RIMS1: variants seen among roughly 807,000 people sequenced by gnomAD.
RIMS1 encodes the protein regulating synaptic membrane exocytosis 1, also known as regulating synaptic membrane exocytosis protein 1.
In RIMS1, 83 loss-of-function variants were observed where a neutral mutation model predicts 214.1. The ratio of observed to expected loss-of-function variants is 0.39; its 90% CI spans 0.32 to 0.47. The LOEUF (loss-of-function observed/expected upper bound fraction) is 0.47. RIMS1 is among the 20% of genes least tolerant of loss of function. The pLI, the probability that RIMS1 is intolerant of heterozygous loss-of-function variation, is 0.99. For missense variants in RIMS1, 2,050 were observed against 2,161.8 expected, an observed-to-expected ratio of 0.95 and a Z score of 1.03; for synonymous variants, 793 against 786.8, an observed-to-expected ratio of 1.01 and a Z score of -0.13.
At chr6:72,346,053 GTTAAAGGTCCTTTTTGACCCTCCA>G (rs2097255957) in intron 29 of RIMS1, among the ~76,000 whole-genome samples, 1 of 151,700 alleles carries the variant, frequency 6.6e-6, no homozygotes, top group Non-Finnish European at 1.5e-5. Flanking sequence ...AAAACAAAAA[GTTAAAGGTCCTTTTTGACCCTCCA>G]TTTTCGCAAC....
intron 6 of RIMS1, among the ~76,000 whole-genome samples, chr6:72,189,942 A>G (rs377511169): frequency 1.3e-3 from 191 of 152,356 alleles, no homozygotes; most frequent in Middle Eastern, 3.4e-3. Flanking sequence ...AGAGAGTTCC[A>G]TCCACGTACC....
intron 4 of RIMS1, among the ~76,000 whole-genome samples, chr6:72,142,069 A>T (rs1414600818): frequency 6.6e-6 from 1 of 151,998 alleles, no homozygotes; most frequent in Non-Finnish European, 1.5e-5. Flanking sequence ...TAAATTTTGT[A>T]TGATGTCCTA....
chr6:72,053,395 G>T (rs1825262512), intron 2 of RIMS1, among the ~76,000 whole-genome samples: 1 of 152,130 alleles, frequency 6.6e-6, no homozygotes, highest in Admixed American at 6.6e-5. Flanking sequence ...CTTGGCTTTG[G>T]TGGAGAAATA....
At chr6:72,394,046 G>T (rs2098744398) in intron 31 of RIMS1, among the ~76,000 whole-genome samples, 1 of 151,040 alleles carries the variant, frequency 6.6e-6, no homozygotes, top group African/African-American at 2.4e-5. Flanking sequence ...AAAAAAAGAT[G>T]GAACCAAAAA....
chr6:72,347,828 A>C (rs2097317073), intron 29 of RIMS1, among the ~76,000 whole-genome samples: 1 of 151,890 alleles, frequency 6.6e-6, no homozygotes, highest in African/African-American at 2.4e-5. Context: ...CAGGACCGAA[A>C]GTAATTTTTT....
At chr6:72,015,298 G>T (rs568875053) in intron 2 of RIMS1, among the ~76,000 whole-genome samples, 2 of 152,236 alleles carry the variant, frequency 1.3e-5, no homozygotes, top group African/African-American at 4.8e-5. Flanking sequence ...AAAAGTTTTT[G>T]ATTTTTGAGC....
rs182826612 is a variant in RIMS1, at chr6:72,261,976, A to G, written c.3116+1209A>G. On this transcript the variant is annotated intron_variant, in intron 19 of 33. Transcript: ENST00000521978. ...TGTTCTTGACAAACAGTTTCTTAAAATAATGGTTTATTTACTAATTCTGAA... is the reference window on the plus strand; with the variant it reads ...TGTTCTTGACAAACAGTTTCTTAAAGTAATGGTTTATTTACTAATTCTGAA... The G allele has an allele frequency of 3.3e-5, 32 of 984,610 alleles. No homozygotes were observed. In the East Asian group the frequency reaches 3.6e-3, roughly 112 times the overall value. 61.0% of individuals were successfully genotyped at this position (984,610 alleles called of 1,614,324 possible).
At chr6:72,218,312 C>G (rs2057110544) in intron 6 of RIMS1, among the ~76,000 whole-genome samples, 1 of 152,082 alleles carries the variant, frequency 6.6e-6, no homozygotes, top group Non-Finnish European at 1.5e-5. Flanking sequence ...AAGGGCTGTC[C>G]TCACTGCTCA....
chr6:72,332,470 A>G (rs922194075), intron 28 of RIMS1, among the ~76,000 whole-genome samples: 1 of 139,254 alleles, frequency 7.2e-6, no homozygotes, highest in Non-Finnish European at 1.5e-5. Flanking sequence ...TCACTCATAG[A>G]TGGGAATTGA....
chr6:72,326,349 C>G (rs1222167006), intron 28 of RIMS1, among the ~76,000 whole-genome samples: 1 of 151,692 alleles, frequency 6.6e-6, no homozygotes, highest in Non-Finnish European at 1.5e-5. Flanking sequence ...GTGTCAGCCT[C>G]CTTACATTGT....
intron 4 of RIMS1, among the ~76,000 whole-genome samples, chr6:72,163,886 C>A (rs147458355): frequency 6.6e-6 from 1 of 152,118 alleles, no homozygotes; most frequent in Non-Finnish European, 1.5e-5. Context: ...TCTCCAGCTG[C>A]GTGCTGGGAG....
chr6:72,196,879 A>G (rs539668884), intron 6 of RIMS1, among the ~76,000 whole-genome samples: 5 of 151,878 alleles, frequency 3.3e-5, no homozygotes, highest in Non-Finnish European at 7.4e-5. Flanking sequence ...GCTCAGAGAC[A>G]TCAGATTCAA....
intron 1 of RIMS1, among the ~76,000 whole-genome samples, 192 bp from the exon 2 acceptor site, chr6:71,968,791 A>T (rs1795098921): frequency 6.6e-6 from 1 of 152,222 alleles, no homozygotes; most frequent in South Asian, 2.1e-4. Flanking sequence ...TTATTCGGGT[A>T]TAATTGAGCT....
chr6:72,074,690 A>G (rs1415380944), intron 2 of RIMS1, among the ~76,000 whole-genome samples: 1 of 152,216 alleles, frequency 6.6e-6, no homozygotes, highest in African/African-American at 2.4e-5. Context: ...ATATCATATT[A>G]GAGTGAAACA....
chr6:72,264,216 C>T (rs2079368187), intron 19 of RIMS1, among the ~76,000 whole-genome samples: 1 of 152,004 alleles, frequency 6.6e-6, no homozygotes, highest in African/African-American at 2.4e-5. Context: ...ATTTATAGAA[C>T]ATTATTAAAT....
At chr6:72,394,150 C>T (rs1392911609) in intron 31 of RIMS1, among the ~76,000 whole-genome samples, 1 of 151,948 alleles carries the variant, frequency 6.6e-6, no homozygotes, top group African/African-American at 2.4e-5. Context: ...TTCAAAGCAG[C>T]GTTCAAATTG....
chr6:72,301,897 T>C (rs1186476977), intron 26 of RIMS1, among the ~76,000 whole-genome samples: 2 of 151,670 alleles, frequency 1.3e-5, no homozygotes, highest in Non-Finnish European at 3.0e-5. Context: ...ATACAACTGG[T>C]GAATTTTTTT....
intron 29 of RIMS1, among the ~76,000 whole-genome samples, chr6:72,351,214 A>G (rs973114531): frequency 3.3e-5 from 5 of 151,904 alleles, no homozygotes; most frequent in Non-Finnish European, 5.9e-5. Context: ...AAATGCCATT[A>G]GCTCTGTTTT....
Position 72,182,648 on chromosome 6 carries a change from G to C in RIMS1, c.1177G>C (p.Val393Leu). ...CAGGCACGAGCGGCGCCACAGCGAC[G>C]TGGCGCTCCCGCGCACCGAGGCGGG... The part of the protein sequence containing the change: ...RARHERRHSD[V>L]ALPRTEAGAA... Residue 393 changes from valine (V) to leucine (L), a missense_variant, in exon 6 of 34, where the codon GTG becomes CTG. By Grantham distance (32) the Val-to-Leu change is conservative. Coordinates refer to ENST00000521978, the MANE Select transcript of RIMS1 (RefSeq NM_014989.7). 2.0e-6 allele frequency: 3 copies of C among 1,529,482 alleles called. No homozygotes were observed. Among genetic ancestry groups the C allele is most frequent in the East Asian group, 5.1e-5 (2 of 39,596 alleles). 94.7% of individuals were successfully genotyped at this position (1,529,482 alleles called of 1,614,324 possible). A position where few individuals can be genotyped will look rare whatever the true frequency, so the allele number is the denominator to read the frequency against.
Sources: gnomAD v4.1 joint callset for allele counts (sites outside exome capture counted in the v4.1 genomes callset) on GRCh38, gnomAD v4.1.1 for gene constraint, MANE v1.5 for transcripts, NCBI Gene and HGNC (gene_info 2026-07-23, HGNC 2026-07-21) for gene names.